Variants in SMIM36 observed in about 807,000 individuals in gnomAD.
The protein encoded by SMIM36 is small integral membrane protein 36.
intron 3 of SMIM36, among the ~76,000 whole-genome samples, chr17:55,473,881 C>T (rs1418326464): frequency 2.6e-5 from 4 of 152,084 alleles, no homozygotes; most frequent in Non-Finnish European, 4.4e-5. Context: ...AAATGAAATC[C>T]ACAAGCAGAC....
the SMIM36 span, among the ~76,000 whole-genome samples, chr17:55,517,109 G>A: frequency 6.6e-6 from 1 of 152,164 alleles, no homozygotes; most frequent in African/African-American, 2.4e-5. Context: ...ACACTGAATG[G>A]CAATATGCTG....
chr17:55,500,266 A>C (rs1909884892), intron 1 of SMIM36, among the ~76,000 whole-genome samples: 1 of 152,020 alleles, frequency 6.6e-6, no homozygotes, highest in Non-Finnish European at 1.5e-5. Context: ...CTGGGACTAC[A>C]GGTGCCAGCC....
chr17:55,497,230 T>G (rs1416186822), intron 1 of SMIM36, among the ~76,000 whole-genome samples: 1 of 152,090 alleles, frequency 6.6e-6, no homozygotes, highest in Non-Finnish European at 1.5e-5. Context: ...CTACTAAGGA[T>G]TTTTTCTTCT....
At chr17:55,494,375 C>G (rs1333358401) in intron 1 of SMIM36, among the ~76,000 whole-genome samples, 1 of 152,250 alleles carries the variant, frequency 6.6e-6, no homozygotes. Context: ...AATACAAAAA[C>G]CAAATTTGAA....
intron 1 of SMIM36, among the ~76,000 whole-genome samples, chr17:55,483,674 G>A (rs562949246): frequency 3.0e-4 from 45 of 152,224 alleles, no homozygotes; most frequent in African/African-American, 1.1e-3. Flanking sequence ...TTTTGAGATG[G>A]AGTCTTGCTC....
chr17:55,459,922 G>A (rs1368425369), intron 4 of SMIM36, among the ~76,000 whole-genome samples: 1 of 152,142 alleles, frequency 6.6e-6, no homozygotes, highest in Non-Finnish European at 1.5e-5. Flanking sequence ...GTGCCTAGGG[G>A]TTGGTGGCTG....
intron 4 of SMIM36, among the ~76,000 whole-genome samples, chr17:55,464,895 T>G (rs1259991359): frequency 6.6e-6 from 1 of 152,226 alleles, no homozygotes; most frequent in Non-Finnish European, 1.5e-5. Context: ...TCCAGTATCT[T>G]TAGTCCATAG....
chr17:55,490,137 G>A (rs1473290469), intron 1 of SMIM36, among the ~76,000 whole-genome samples: 1 of 151,970 alleles, frequency 6.6e-6, no homozygotes, highest in African/African-American at 2.4e-5. Context: ...TTATAGACAG[G>A]AGCCACCGCG....
upstream of SMIM36, among the ~76,000 whole-genome samples, chr17:55,515,632 G>A (rs1374934838): frequency 1.3e-5 from 2 of 152,102 alleles, no homozygotes; most frequent in African/African-American, 4.8e-5. Flanking sequence ...GAGAGAGATC[G>A]GAGCGAGACA....
At chr17:55,453,007 C>A (rs1908948666) in intron 4 of SMIM36, among the ~76,000 whole-genome samples, 1 of 152,178 alleles carries the variant, frequency 6.6e-6, no homozygotes, top group African/African-American at 2.4e-5. Context: ...CTGGGCAGTT[C>A]CTTAGAATGT....
intron 1 of SMIM36, among the ~76,000 whole-genome samples, chr17:55,497,013 G>A (rs9891348): frequency 0.66 from 100,002 of 152,018 alleles, 33,597 homozygotes; most frequent in African/African-American, 0.78. Context: ...CTTTTGAAGT[G>A]TATATGGGGT....
At chr17:55,525,664 T>G in the SMIM36 span, among the ~76,000 whole-genome samples, 1 of 152,190 alleles carries the variant, frequency 6.6e-6, no homozygotes, top group Non-Finnish European at 1.5e-5. Flanking sequence ...TAGACATTTA[T>G]TGATTTTTTT....
chr17:55,463,319 T>C (rs1480742139), intron 4 of SMIM36, among the ~76,000 whole-genome samples: 1 of 152,034 alleles, frequency 6.6e-6, no homozygotes, highest in Non-Finnish European at 1.5e-5. Context: ...TTTGGGAGGC[T>C]GAGGTGGGAA....
rs1192458356 is a variant in SMIM36 at position 55,504,260 on chromosome 17, A to G, written c.*174+6619T>C. 4.6e-4 allele frequency among the ~76,000 whole-genome samples: 35 copies of G among 76,454 alleles called. 7 individuals carry two copies. The highest frequency in any genetic ancestry group is 1.5e-4 in the Non-Finnish European group (7 of 46,102). 50.2% of individuals were successfully genotyped at this position (76,454 alleles called of 152,430 possible). On this transcript the variant is annotated intron_variant, in intron 1 of 4. Coordinates refer to ENST00000636752, the Ensembl canonical transcript of SMIM36. ...TCTACAGAACTCTCCACCCTAAATC[A>G]ACAGAATATACATTTTTTTCAGCAC...
chr17:55,521,165 T>C, the SMIM36 span, among the ~76,000 whole-genome samples: 1 of 152,024 alleles, frequency 6.6e-6, no homozygotes, highest in Non-Finnish European at 1.5e-5. Context: ...CATCTCAGAA[T>C]GTATGAAAGA....
chr17:55,487,638 T>C (rs1178528738), intron 1 of SMIM36, among the ~76,000 whole-genome samples: 1 of 152,174 alleles, frequency 6.6e-6, no homozygotes, highest in Non-Finnish European at 1.5e-5. Context: ...TGGGGGCCTT[T>C]GTAGGAACTG....
At chr17:55,518,428 G>A in the SMIM36 span, among the ~76,000 whole-genome samples, 1 of 152,168 alleles carries the variant, frequency 6.6e-6, no homozygotes, top group Non-Finnish European at 1.5e-5. Context: ...CTATAGCACT[G>A]GGTTCAACAA....
chr17:55,489,415 GA>G (rs1909664105), intron 1 of SMIM36, among the ~76,000 whole-genome samples: 1 of 151,594 alleles, frequency 6.6e-6, no homozygotes, highest in African/African-American at 2.4e-5. Flanking sequence ...AAATGTGTAA[GA>G]AAAAAGGAAA....
At chr17:55,473,998 G>A (rs536756982) in intron 3 of SMIM36, among the ~76,000 whole-genome samples, 7 of 152,216 alleles carry the variant, frequency 4.6e-5, no homozygotes, top group African/African-American at 1.7e-4. Context: ...GTTCTGTTCT[G>A]TTCTAATTAC....
Sources: gnomAD v4.1 joint callset for allele counts (sites outside exome capture counted in the v4.1 genomes callset) on GRCh38, gnomAD v4.1.1 for gene constraint, MANE v1.5 for transcripts, NCBI Gene and HGNC (gene_info 2026-07-23, HGNC 2026-07-21) for gene names.